The following GALNT1 variants were observed in gnomAD, a reference collection of about 807,000 sequenced individuals.
GALNT1 encodes polypeptide N-acetylgalactosaminyltransferase 1.
A neutral mutation model predicts 65.7 loss-of-function variants in GALNT1; 17 were observed. The observed-to-expected ratio is 0.26, with a 90% confidence interval of 0.18 to 0.39. GALNT1 has a LOEUF of 0.39. Among genes scored for constraint, GALNT1 ranks in the 10% least tolerant of loss-of-function variants. The pLI, the probability that GALNT1 is intolerant of heterozygous loss-of-function variation, is 1.00. For missense variants in GALNT1, 460 were observed against 672.8 expected (o/e 0.68, Z 3.50); for synonymous variants, 210 against 219.7 (o/e 0.96, Z 0.39).
intron 1 of GALNT1, among the ~76,000 whole-genome samples, chr18:35,583,764 C>CATG (rs1473566916): frequency 6.6e-6 from 1 of 152,136 alleles, no homozygotes; most frequent in Non-Finnish European, 1.5e-5. Context: ...AGGTAATTCT[C>CATG]ATGACATCAG....
intron 1 of GALNT1, among the ~76,000 whole-genome samples, chr18:35,612,566 T>C (rs1325675013): frequency 1.3e-5 from 2 of 152,192 alleles, no homozygotes; most frequent in Non-Finnish European, 2.9e-5. Flanking sequence ...GATGGAGTCA[T>C]GTAGTATTAA....
Position 35,597,381 on chromosome 18 carries a change from G to A in GALNT1, c.-104+15519G>A, listed in dbSNP as rs551403384. The stretch of plus-strand genomic sequence containing the variant: ...CTCCAACAGGAAATTAGGACGTGGG[G>A]AGAGATGGATGCTGAGCAGCCAAAA... On this transcript the variant is annotated intron_variant, in intron 1 of 11. Coordinates refer to ENST00000269195, the MANE Select transcript of GALNT1 (RefSeq NM_020474.4). 9.5e-4 allele frequency: 144 copies of A among 152,288 alleles called. 1 individual carries two copies. Among genetic ancestry groups the A allele is most frequent in the African/African-American group, 3.0e-3 (125 of 41,556 alleles). The allele number at this position is 152,288 out of a possible 1,614,324, so 9.4% of individuals were successfully genotyped here. A position where few individuals can be genotyped will look rare whatever the true frequency, so the allele number is the denominator to read the frequency against.
intron 1 of GALNT1, among the ~76,000 whole-genome samples, chr18:35,590,600 A>G (rs1027154245): frequency 2.0e-5 from 3 of 149,696 alleles, no homozygotes; most frequent in Non-Finnish European, 3.0e-5. Context: ...AGAGACACAT[A>G]CTAAGTTATT....
intron 3 of GALNT1, among the ~76,000 whole-genome samples, chr18:35,672,022 A>G (rs1055048681): frequency 3.9e-5 from 6 of 152,042 alleles, no homozygotes; most frequent in Admixed American, 2.0e-4. Flanking sequence ...TCTCTAGGTA[A>G]ATTTCTCATT....
At chr18:35,690,808 A>G (rs1277568910) in intron 7 of GALNT1, among the ~76,000 whole-genome samples, 3 of 152,176 alleles carry the variant, frequency 2.0e-5, no homozygotes, top group Non-Finnish European at 4.4e-5. Context: ...TCAATGTCAT[A>G]TATGGTCTTT....
intron 3 of GALNT1, among the ~76,000 whole-genome samples, chr18:35,673,535 A>T (rs535811613): frequency 6.6e-6 from 1 of 152,296 alleles, no homozygotes; most frequent in Admixed American, 6.5e-5. Context: ...AAACCTCTTA[A>T]TGCAGTTTCA....
chr18:35,663,470 G>C (rs537004177), intron 2 of GALNT1, among the ~76,000 whole-genome samples, 158 bp from the exon 3 acceptor site: 1 of 152,286 alleles, frequency 6.6e-6, no homozygotes, highest in Admixed American at 6.5e-5. Flanking sequence ...TAGAGGACAA[G>C]ACAGCCCCTT....
intron 1 of GALNT1, among the ~76,000 whole-genome samples, chr18:35,652,809 C>T (rs1388938394): frequency 6.6e-6 from 1 of 152,204 alleles, no homozygotes; most frequent in Admixed American, 6.5e-5. Context: ...GCTAATTGTG[C>T]ACCCTTGCGA....
Position 35,709,801 on chromosome 18 carries a change from A to G in GALNT1, c.*31A>G. On this transcript the variant is annotated 3_prime_UTR_variant, in exon 12 of 12. Transcript: ENST00000269195. ...AATTTACAAAAAAACGAAAAAAATA[A>G]GGATTGACTGGGCTACCTCAGCATA... The G allele has an allele frequency of 6.2e-7, 1 of 1,612,312 alleles. No individual in the cohort carries two copies. The highest frequency in any genetic ancestry group is 1.3e-5 in the African/African-American group (1 of 74,910).
intron 1 of GALNT1, among the ~76,000 whole-genome samples, chr18:35,626,978 G>A (rs895597662): frequency 4.6e-5 from 7 of 152,190 alleles, no homozygotes; most frequent in Non-Finnish European, 1.0e-4. Context: ...TAGAATGACC[G>A]TGGTTGGCTT....
chr18:35,638,001 A>G (rs2047114419), intron 1 of GALNT1, among the ~76,000 whole-genome samples: 1 of 152,224 alleles, frequency 6.6e-6, no homozygotes, highest in African/African-American at 2.4e-5. Flanking sequence ...ATTTAATTCC[A>G]CTGTTGAGAC....
chr18:35,690,978 C>T, intron 7 of GALNT1, 34 bp from the exon 8 acceptor site: 4 of 1,517,564 alleles, frequency 2.6e-6, no homozygotes, highest in Non-Finnish European at 3.5e-6. Flanking sequence ...GATTACTCAG[C>T]TACATGTTAC....
chr18:35,671,645 T>C (rs1206872329), intron 3 of GALNT1, among the ~76,000 whole-genome samples: 1 of 152,230 alleles, frequency 6.6e-6, no homozygotes, highest in African/African-American at 2.4e-5. Flanking sequence ...AGTATCTTTT[T>C]CATTTTTTTC....
chr18:35,677,281 T>C (rs2047724567), intron 3 of GALNT1, among the ~76,000 whole-genome samples: 1 of 152,224 alleles, frequency 6.6e-6, no homozygotes. Flanking sequence ...TACATTCAGT[T>C]TTGGGCAGAT....
chr18:35,709,087 A>G (rs931157289), intron 11 of GALNT1, among the ~76,000 whole-genome samples: 7 of 152,188 alleles, frequency 4.6e-5, no homozygotes, highest in East Asian at 1.9e-4. Flanking sequence ...AGCTGTCCCA[A>G]CATTCTTATG....
At chr18:35,675,224 T>G (rs910319681) in intron 3 of GALNT1, among the ~76,000 whole-genome samples, 2 of 152,166 alleles carry the variant, frequency 1.3e-5, no homozygotes, top group Admixed American at 1.3e-4. Context: ...TTGGTTCTTC[T>G]CAAGTGCCTT....
intron 1 of GALNT1, among the ~76,000 whole-genome samples, chr18:35,609,592 T>G (rs1315405935): frequency 2.0e-5 from 3 of 152,196 alleles, no homozygotes; most frequent in Non-Finnish European, 4.4e-5. Context: ...TGTGTTTTAA[T>G]TCTTCACTGT....
intron 1 of GALNT1, chr18:35,597,119 A>G (rs1238925976): frequency 6.6e-6 from 1 of 152,216 alleles, no homozygotes. Flanking sequence ...ACAGATTACC[A>G]CTGGGATGAT....
At chr18:35,709,060 T>G (rs2048312089) in intron 11 of GALNT1, among the ~76,000 whole-genome samples, 1 of 152,226 alleles carries the variant, frequency 6.6e-6, no homozygotes, top group Admixed American at 6.5e-5. Flanking sequence ...GGCATAAGAT[T>G]GATTTTACTA....
Sources: gnomAD v4.1 joint callset for allele counts (sites outside exome capture counted in the v4.1 genomes callset) on GRCh38, gnomAD v4.1.1 for gene constraint, MANE v1.5 for transcripts, NCBI Gene and HGNC (gene_info 2026-07-23, HGNC 2026-07-21) for gene names.